The following MOB2 variants were observed in gnomAD, a reference collection of about 807,000 sequenced individuals.
The protein encoded by MOB2 is MOB kinase activator 2.
A neutral mutation model predicts 27.4 loss-of-function variants in MOB2; 14 were observed. The observed-to-expected ratio is 0.51, with a 90% CI of 0.34 to 0.80. The LOEUF (loss-of-function observed/expected upper bound fraction) is 0.80. MOB2 is among the 30% of genes least tolerant of loss of function. The pLI is 0.01. For missense variants in MOB2, 304 were observed against 354.6 expected, an observed-to-expected ratio of 0.86 and a Z score of 1.15; for synonymous variants, 167 against 151.8, an observed-to-expected ratio of 1.10 and a Z score of -0.74.
chr11:1,480,596 G>A (rs1340609907), intron 2 of MOB2, 110 bp from the exon 3 acceptor site: 26 of 1,526,602 alleles, frequency 1.7e-5, no homozygotes, highest in African/African-American at 5.5e-5. Flanking sequence ...AGCTCTGCCC[G>A]TCCACGGGCC....
rs1305991672 is a variant in MOB2 at position 1,469,618 on chromosome 11, G to A, written c.*554C>T. On this transcript the variant is annotated 3_prime_UTR_variant, in exon 5 of 5. Coordinates refer to ENST00000329957, the MANE Select transcript of MOB2 (RefSeq NM_001172223.3). ...TTCCTTGGGCATGGAGGAGGCAGCA[G>A]GAAGGGGTGACAGGAGCAGGAGCAG... 2 of 457,024 alleles carry A rather than the reference G, an allele frequency of 4.4e-6. No individual in the cohort carries two copies. The highest frequency in any genetic ancestry group is 1.4e-4 in the East Asian group (2 of 14,394). 28.3% of individuals were successfully genotyped at this position (457,024 alleles called of 1,614,324 possible).
chr11:1,483,496 G>A (rs940567279), intron 1 of MOB2, among the ~76,000 whole-genome samples: 1 of 152,190 alleles, frequency 6.6e-6, no homozygotes, highest in Non-Finnish European at 1.5e-5. Context: ...GTCCTGCCTG[G>A]CAGGCACCAT....
In MOB2 at chr11:1,471,322, C is replaced by T. The variant is rs1348217580; in HGVS notation, c.463G>A (p.Asp155Asn). The T allele has an allele frequency of 3.1e-6, 5 of 1,613,296 alleles. No individual in the cohort carries two copies. Among genetic ancestry groups the T allele is most frequent in the Non-Finnish European group, 4.2e-6 (5 of 1,179,778 alleles). Residue 155 changes from aspartate (D) to asparagine (N), a missense_variant, in exon 4 of 5, where the codon GAT (aspartate) becomes AAT (asparagine). By Grantham distance (23) the Asp-to-Asn change is conservative (BLOSUM62 1). Transcript: ENST00000329957. ...VMSSVQKLVTDEDVFPTKYGR... is the reference protein window; with the variant it reads ...VMSSVQKLVTNEDVFPTKYGR... ...TATTTTGTGGGGAACACGTCCTCAT[C>T]CGTCACCAGCTTCTGCACGGAGCTC...
chr11:1,482,162 G>T (rs79068061), intron 1 of MOB2, among the ~76,000 whole-genome samples: 1 of 152,218 alleles, frequency 6.6e-6, no homozygotes, highest in Non-Finnish European at 1.5e-5. Flanking sequence ...TTCCCATTTG[G>T]AGGGGTGGGT....
Position 1,469,987 on chromosome 11 carries a change from A to AG in MOB2, c.*184dup. ...TACAAACGGCACGCATCCATCCGAC[A>AG]GGGGGCCACAGGACACGGCCGGGGC... On this transcript the variant is annotated 3_prime_UTR_variant, in exon 5 of 5. Transcript: ENST00000329957. 3 of 1,458,706 alleles carry AG rather than the reference A, an allele frequency of 2.1e-6. No homozygotes were observed. The highest frequency in any genetic ancestry group is 1.9e-6 in the Non-Finnish European group (2 of 1,077,332). The allele number at this position is 1,458,706 out of a possible 1,614,324, so 90.4% of individuals were successfully genotyped here.
rs1457300165 is a variant in MOB2 at position 1,486,444 on chromosome 11, T to A, written c.110+3A>T. On this transcript the variant is annotated splice_donor_region_variant and intron_variant, in intron 1 of 4. Coordinates refer to ENST00000329957, the MANE Select transcript of MOB2 (RefSeq NM_001172223.3). ...CTCCCCCAGCCAGGCTGGCAGGTGT[T>A]ACCTGAGCACTTTGCTGACAGCCTG... 6.5e-7 allele frequency: 1 copy of A among 1,534,180 alleles called. No individual in the cohort carries two copies. The highest frequency in any genetic ancestry group is 1.4e-5 in the African/African-American group (1 of 73,152).
chr11:1,474,900 C>A (rs1482231176), intron 3 of MOB2, among the ~76,000 whole-genome samples: 1 of 152,200 alleles, frequency 6.6e-6, no homozygotes, highest in Non-Finnish European at 1.5e-5. Context: ...TTTTCAAAAT[C>A]ATTGTAGCTA....
chr11:1,482,765 A>T (rs532283892), intron 1 of MOB2, among the ~76,000 whole-genome samples: 14 of 152,344 alleles, frequency 9.2e-5, no homozygotes, highest in Admixed American at 7.8e-4. Flanking sequence ...GCACTGGCCC[A>T]AAGGTAGTAG....
At chr11:1,476,723 G>A (rs994753419) in intron 3 of MOB2, among the ~76,000 whole-genome samples, 1 of 152,154 alleles carries the variant, frequency 6.6e-6, no homozygotes, top group Non-Finnish European at 1.5e-5. Context: ...TTCTAAGAAA[G>A]CATTAATCCT....
chr11:1,480,848 C>T lies in MOB2; in HGVS notation c.148G>A (p.Ala50Thr), dbSNP rs1438813637. 1.3e-6 allele frequency: 2 copies of T among 1,567,922 alleles called. No individual in the cohort carries two copies. Among genetic ancestry groups the T allele is most frequent in the African/African-American group, 2.7e-5 (2 of 73,766 alleles). The change falls in exon 2 of 5, where the codon GCG becomes ACG. Residue 50 changes from alanine (A) to threonine (T), a missense_variant. Physicochemically the swap from Ala to Thr is moderately conservative, Grantham distance 58. Coordinates refer to ENST00000329957, the MANE Select transcript of MOB2 (RefSeq NM_001172223.3). Reference protein sequence around the residue: ...KAKPNGKKPAAEERKAYLEPE... With the variant: ...KAKPNGKKPATEERKAYLEPE... ...TCCAGGTAGGCCTTCCTCTCCTCCG[C>T]AGCGGGCTTCTTGCCATTAGGCTTG... is the stretch of plus-strand genomic sequence containing the variant.
intron 3 of MOB2, among the ~76,000 whole-genome samples, chr11:1,478,909 C>T (rs1056379478): frequency 1.3e-5 from 2 of 152,088 alleles, no homozygotes; most frequent in Non-Finnish European, 2.9e-5. Flanking sequence ...GCCCTGAGGC[C>T]CTCTGAGAAG....
In MOB2 at chr11:1,470,029, T is replaced by C. The variant is rs1847762231; in HGVS notation, c.*143A>G. 2.0e-6 allele frequency: 3 copies of C among 1,533,932 alleles called. No individual in the cohort carries two copies. The highest frequency in any genetic ancestry group is 2.4e-5 in the East Asian group (1 of 40,878). ...GGCCGGGGCCGTCTGCGTCTGTGCC[T>C]GTGCAGCCCACACCAGTGCAGCCCG... On this transcript the variant is annotated 3_prime_UTR_variant, in exon 5 of 5. Coordinates refer to ENST00000329957, the MANE Select transcript of MOB2 (RefSeq NM_001172223.3).
intron 1 of MOB2, among the ~76,000 whole-genome samples, chr11:1,485,023 C>A (rs144303754): frequency 6.6e-6 from 1 of 152,338 alleles, no homozygotes; most frequent in East Asian, 1.9e-4. Context: ...CCGCAGACAT[C>A]CCAGACCAAA....
At chr11:1,475,672 C>T (rs144172155) in intron 3 of MOB2, among the ~76,000 whole-genome samples, 4 of 152,336 alleles carry the variant, frequency 2.6e-5, no homozygotes, top group Non-Finnish European at 5.9e-5. Context: ...TGGCCTCCTG[C>T]AGGCTCAATG....
intron 3 of MOB2, 66 bp downstream of exon 3, chr11:1,480,327 C>T: frequency 7.0e-7 from 1 of 1,430,830 alleles, no homozygotes; most frequent in Non-Finnish European, 9.8e-7. Context: ...GAGCCTGGGG[C>T]AGCGGGGGCT....
At position 1,480,982 on chromosome 11, in the gene MOB2, C is replaced by G. The variant is rs1847906912; in HGVS notation, c.111-97G>C. 9 of 1,441,940 alleles carry G rather than the reference C, an allele frequency of 6.2e-6. 1 individual carries two copies. The South Asian group carries it at 1.1e-4, about 17-fold the overall frequency. 89.3% of individuals were successfully genotyped at this position (1,441,940 alleles called of 1,614,324 possible). ...GTGGCCAGCGCAGGTGTAGAGGGAGCTGCCCGAGCCCATCGGGGCGACACT... is the reference window on the plus strand; with the variant it reads ...GTGGCCAGCGCAGGTGTAGAGGGAGGTGCCCGAGCCCATCGGGGCGACACT... On this transcript the variant is annotated intron_variant, in intron 1 of 4. Coordinates refer to ENST00000329957, the MANE Select transcript of MOB2 (RefSeq NM_001172223.3).
chr11:1,480,585 G>A, intron 2 of MOB2, 99 bp from the exon 3 acceptor site: 2 of 1,534,188 alleles, frequency 1.3e-6, no homozygotes, highest in Non-Finnish European at 1.8e-6. Flanking sequence ...TCGGCTGGGT[G>A]AGCTCTGCCC....
At chr11:1,484,852 C>T (rs1043918009) in intron 1 of MOB2, among the ~76,000 whole-genome samples, 5 of 152,342 alleles carry the variant, frequency 3.3e-5, no homozygotes, top group Non-Finnish European at 7.3e-5. Flanking sequence ...CAGGCTTCAG[C>T]CAGCTGGAAG....
intron 4 of MOB2, 127 bp downstream of exon 4, chr11:1,471,168 G>A: frequency 7.7e-7 from 1 of 1,296,410 alleles, no homozygotes; most frequent in Non-Finnish European, 1.0e-6. Flanking sequence ...CAGGGACTGG[G>A]GTGGTGCAGC....
Sources: allele counts gnomAD v4.1 joint callset (sites outside exome capture counted in the v4.1 genomes callset), GRCh38; gene constraint gnomAD v4.1.1; transcripts MANE v1.5; gene names NCBI Gene and HGNC (gene_info 2026-07-23, HGNC 2026-07-21).